AP3B1: variants seen among roughly 807,000 people sequenced by gnomAD.
The protein encoded by AP3B1 is adaptor related protein complex 3 subunit beta 1, also known as AP-3 complex subunit beta-1.
A neutral mutation model predicts 132.5 loss-of-function variants in AP3B1; 61 were observed. That is an observed-to-expected ratio of 0.46 (90% confidence interval 0.37 to 0.57). The LOEUF is 0.57. Ranked by LOEUF, AP3B1 falls within the 20% of genes least tolerant of loss-of-function variation. The probability of loss-of-function intolerance (pLI) is 0.00; values close to 1 mark genes in which losing one functional copy is unlikely to be tolerated. For missense variants in AP3B1, 1,120 were observed against 1,289.4 expected (o/e 0.87, Z 2.01); for synonymous variants, 388 against 438.3 (o/e 0.89, Z 1.43).
intron 13 of AP3B1, among the ~76,000 whole-genome samples, chr5:78,160,500 C>T (rs1199579229): frequency 6.6e-6 from 1 of 152,002 alleles, no homozygotes; most frequent in East Asian, 1.9e-4. Context: ...TAGAAAGGCT[C>T]TTAACAACAC....
chr5:78,267,687 T>C (rs973001161), intron 1 of AP3B1, 92 bp from the exon 2 acceptor site: 14 of 781,176 alleles, frequency 1.8e-5, no homozygotes, highest in Non-Finnish European at 2.6e-5. Flanking sequence ...AGAAGTAATA[T>C]CATGGGCAAT....
At chr5:78,119,765 T>A (rs573273055) in intron 17 of AP3B1, among the ~76,000 whole-genome samples, 2 of 152,202 alleles carry the variant, frequency 1.3e-5, no homozygotes, top group African/African-American at 4.8e-5. Flanking sequence ...GAAAACACTC[T>A]GCAGGATATT....
chr5:78,278,128 T>C (rs1403786689), intron 1 of AP3B1, among the ~76,000 whole-genome samples: 2 of 152,158 alleles, frequency 1.3e-5, no homozygotes, highest in African/African-American at 4.8e-5. Context: ...GCATTTTTGG[T>C]TTACAGTGTT....
At chr5:78,075,835 C>T (rs1388831019) in intron 22 of AP3B1, among the ~76,000 whole-genome samples, 4 of 152,210 alleles carry the variant, frequency 2.6e-5, no homozygotes, top group Admixed American at 2.6e-4. Flanking sequence ...ATGCTAGCTA[C>T]TGATATTCCA....
At chr5:78,142,252 C>T (rs890148445) in intron 14 of AP3B1, among the ~76,000 whole-genome samples, 1 of 152,204 alleles carries the variant, frequency 6.6e-6, no homozygotes, top group Non-Finnish European at 1.5e-5. Flanking sequence ...ACCATTAAGA[C>T]CAACAATTTA....
At chr5:78,023,442 G>A (rs1415546467) in intron 24 of AP3B1, among the ~76,000 whole-genome samples, 1 of 146,174 alleles carries the variant, frequency 6.8e-6, no homozygotes, top group African/African-American at 2.6e-5. Flanking sequence ...ACCCCATCAA[G>A]AAAAGAAAAG....
At chr5:78,097,799 C>T (rs1043681643) in intron 21 of AP3B1, among the ~76,000 whole-genome samples, 179 of 152,248 alleles carry the variant, frequency 1.2e-3, no homozygotes, top group Non-Finnish European at 2.0e-3. Flanking sequence ...TCATTGAGAA[C>T]GGGCCATGAT....
chr5:78,213,975 C>A (rs996277470), intron 7 of AP3B1, among the ~76,000 whole-genome samples: 1 of 152,122 alleles, frequency 6.6e-6, no homozygotes, highest in African/African-American at 2.4e-5. Context: ...TGGCAAAAGC[C>A]CAAAAAGCTG....
chr5:78,275,496 G>C (rs867779578), intron 1 of AP3B1, among the ~76,000 whole-genome samples: 2 of 150,966 alleles, frequency 1.3e-5, no homozygotes, highest in African/African-American at 4.9e-5. Context: ...TTTTTTTTTG[G>C]GGGACAGTCT....
chr5:78,227,613 G>T, intron 4 of AP3B1, 81 bp from the exon 5 acceptor site: 1 of 1,354,320 alleles, frequency 7.4e-7, no homozygotes, highest in Non-Finnish European at 1.0e-6. Context: ...GTTAATAGGT[G>T]CTTAAAGGGT....
At chr5:78,025,582 T>C (rs183770983) in intron 24 of AP3B1, among the ~76,000 whole-genome samples, 14 of 152,366 alleles carry the variant, frequency 9.2e-5, no homozygotes, top group East Asian at 1.9e-4. Context: ...CCTTTCTCCA[T>C]GTCATTTCTT....
At chr5:78,144,433 T>G (rs1753295070) in intron 14 of AP3B1, among the ~76,000 whole-genome samples, 1 of 152,204 alleles carries the variant, frequency 6.6e-6, no homozygotes, top group African/African-American at 2.4e-5. Context: ...AAAGCTATTG[T>G]GTTTCAACAC....
chr5:78,179,337 T>TA (rs1226648573), intron 8 of AP3B1, among the ~76,000 whole-genome samples: 3 of 152,202 alleles, frequency 2.0e-5, no homozygotes, highest in Non-Finnish European at 4.4e-5. Flanking sequence ...TCAATGTCTT[T>TA]AAAATTCTAG....
chr5:78,180,206 G>A (rs2112411459), intron 8 of AP3B1, among the ~76,000 whole-genome samples: 1 of 152,120 alleles, frequency 6.6e-6, no homozygotes, highest in Admixed American at 6.5e-5. Flanking sequence ...TAAACCATTA[G>A]GTATTAGACA....
chr5:78,014,019 C>T (rs534983940), intron 26 of AP3B1, among the ~76,000 whole-genome samples: 3 of 152,142 alleles, frequency 2.0e-5, no homozygotes, highest in Non-Finnish European at 2.9e-5. Flanking sequence ...AAAAATTAGC[C>T]GGGCGTGGTG....
At position 78,286,094 on chromosome 5, in the gene AP3B1, G is replaced by A. The variant is rs564325945; in HGVS notation, c.128+8358C>T. On this transcript the variant is annotated intron_variant, in intron 1 of 26. Coordinates refer to ENST00000255194, the MANE Select transcript of AP3B1 (RefSeq NM_003664.5). ...CAAGGCCCTACACAATCAGGTCTCCGCCTTCCACTCTGCCCCTTATCTCTC... is the reference window on the plus strand; with the variant it reads ...CAAGGCCCTACACAATCAGGTCTCCACCTTCCACTCTGCCCCTTATCTCTC... Among the ~76,000 whole-genome samples, 435 of 152,192 alleles carry A rather than the reference G, an allele frequency of 2.9e-3. 1 individual carries two copies. Among genetic ancestry groups the A allele is most frequent in the African/African-American group, 9.8e-3 (407 of 41,518 alleles).
intron 19 of AP3B1, among the ~76,000 whole-genome samples, chr5:78,111,413 C>T (rs1751586198): frequency 6.6e-6 from 1 of 152,074 alleles, no homozygotes; most frequent in African/African-American, 2.4e-5. Flanking sequence ...TGTGTGTCTA[C>T]CCTACAGGGT....
chr5:78,076,792 T>C (rs1377493313), intron 22 of AP3B1, among the ~76,000 whole-genome samples: 2 of 152,202 alleles, frequency 1.3e-5, no homozygotes, highest in African/African-American at 4.8e-5. Flanking sequence ...TGAGCTTCCC[T>C]GGCTGGCAAT....
rs187126811 is a variant in AP3B1 at position 78,285,525 on chromosome 5, G to A, written c.128+8927C>T. On this transcript the variant is annotated intron_variant, in intron 1 of 26. Transcript: ENST00000255194. Reference sequence around the variant, plus strand: ...CTCATCCAATCCCATGATACCTGATGACTCCCAAATTTATACTTCTAGCCT... The same window carrying A: ...CTCATCCAATCCCATGATACCTGATAACTCCCAAATTTATACTTCTAGCCT... Among the ~76,000 whole-genome samples the A allele has an allele frequency of 9.9e-5, 15 of 152,170 alleles. No individual in the cohort carries two copies. In the East Asian group the frequency reaches 2.7e-3, roughly 27 times the overall value.
Sources: gnomAD v4.1 joint callset for allele counts (sites outside exome capture counted in the v4.1 genomes callset) on GRCh38, gnomAD v4.1.1 for gene constraint, MANE v1.5 for transcripts, NCBI Gene and HGNC (gene_info 2026-07-23, HGNC 2026-07-21) for gene names.